MAGI2: variants seen among roughly 807,000 people sequenced by gnomAD.
The protein encoded by MAGI2 is membrane associated guanylate kinase, WW and PDZ domain containing 2.
In MAGI2, 35 loss-of-function variants were observed where a neutral mutation model predicts 133.3. The observed-to-expected ratio is 0.26, with a 90% CI of 0.20 to 0.35. MAGI2 has a LOEUF of 0.35. Among genes scored for constraint, MAGI2 ranks in the 10% least tolerant of loss-of-function variants. The probability of loss-of-function intolerance (pLI) is 1.00; values close to 1 mark genes in which losing one functional copy is unlikely to be tolerated. For synonymous variants in MAGI2, 729 were observed against 710.6 expected (o/e 1.03, Z -0.41); for missense variants, 1,636 against 1,863.4 (o/e 0.88, Z 2.25).
rs532013509 is a variant in MAGI2 at position 78,427,560 on chromosome 7, A to G, written c.1046-58347T>C. ...TGTATATGCCTTATATCATGACTGC[A>G]TGACCCAAAATGAACAGAATCAGTC... is the stretch of plus-strand genomic sequence containing the variant. On this transcript the variant is annotated intron_variant, in intron 6 of 21. Coordinates refer to ENST00000354212, the MANE Select transcript of MAGI2 (RefSeq NM_012301.4). Among the ~76,000 whole-genome samples, 16 of 151,980 alleles carry G rather than the reference A, an allele frequency of 1.1e-4. 1 individual carries two copies. Among genetic ancestry groups the G allele is most frequent in the African/African-American group, 3.9e-4 (16 of 41,480 alleles).
At chr7:78,297,190 A>G (rs1424447663) in intron 9 of MAGI2, among the ~76,000 whole-genome samples, 3 of 152,212 alleles carry the variant, frequency 2.0e-5, no homozygotes, top group Admixed American at 2.0e-4. Context: ...GAGGACAAAG[A>G]GCAACTTTAT....
chr7:79,075,209 A>G (rs750846585), intron 1 of MAGI2, among the ~76,000 whole-genome samples: 15 of 152,182 alleles, frequency 9.9e-5, no homozygotes, highest in African/African-American at 3.6e-4. Context: ...CTTATTGACC[A>G]GAGCTGGATC....
At chr7:79,105,262 A>C (rs906918226) in intron 1 of MAGI2, among the ~76,000 whole-genome samples, 2 of 152,202 alleles carry the variant, frequency 1.3e-5, no homozygotes, top group African/African-American at 2.4e-5. Context: ...CAGAATGAAA[A>C]ATCCTGTATT....
chr7:79,126,072 T>G lies in MAGI2; in HGVS notation c.302-118866A>C, dbSNP rs192430004. Reference sequence around the variant, plus strand: ...GTGTAAAGCATTCCAACAAAGGGTTTTAATGTAGTTTTGTTTTTTCCTTTT... The same window carrying G: ...GTGTAAAGCATTCCAACAAAGGGTTGTAATGTAGTTTTGTTTTTTCCTTTT... On this transcript the variant is annotated intron_variant, in intron 1 of 21. Transcript: ENST00000354212. Among the ~76,000 whole-genome samples the G allele has an allele frequency of 3.9e-5, 6 of 152,364 alleles. No individual in the cohort carries two copies. In the East Asian group the frequency reaches 1.2e-3, roughly 29 times the overall value.
At chr7:78,919,014 T>C (rs1799016349) in intron 2 of MAGI2, among the ~76,000 whole-genome samples, 2 of 152,136 alleles carry the variant, frequency 1.3e-5, no homozygotes, top group South Asian at 4.1e-4. Context: ...GATGCAATAG[T>C]TGTCCCTCTT....
At chr7:78,218,509 CTT>C (rs1206545546) in intron 10 of MAGI2, among the ~76,000 whole-genome samples, 4 of 152,202 alleles carry the variant, frequency 2.6e-5, no homozygotes, top group African/African-American at 9.6e-5. Context: ...TAACAATTAA[CTT>C]TTAGTGATAC....
chr7:79,213,076 G>C (rs1283464148), intron 1 of MAGI2, among the ~76,000 whole-genome samples: 1 of 151,926 alleles, frequency 6.6e-6, no homozygotes, highest in Admixed American at 6.6e-5. Flanking sequence ...GGTGGATCGA[G>C]GGGAGCAATA....
intron 3 of MAGI2, among the ~76,000 whole-genome samples, chr7:78,625,855 T>C (rs536084597): frequency 1.3e-5 from 2 of 152,346 alleles, no homozygotes; most frequent in South Asian, 4.1e-4. Context: ...CCATACAGGT[T>C]TGTAGCCTGG....
chr7:79,196,238 T>C (rs1265078449), intron 1 of MAGI2, among the ~76,000 whole-genome samples: 1 of 151,972 alleles, frequency 6.6e-6, no homozygotes, highest in African/African-American at 2.4e-5. Flanking sequence ...ATAAAATTTA[T>C]TCATAGAGTT....
At chr7:78,503,465 C>T (rs1268754022) in intron 4 of MAGI2, among the ~76,000 whole-genome samples, 1 of 151,624 alleles carries the variant, frequency 6.6e-6, no homozygotes, top group Non-Finnish European at 1.5e-5. Flanking sequence ...GGAAGGCTTC[C>T]CCCATCCTGT....
chr7:78,103,907 C>G (rs1347249664), intron 20 of MAGI2, among the ~76,000 whole-genome samples: 1 of 152,202 alleles, frequency 6.6e-6, no homozygotes, highest in Non-Finnish European at 1.5e-5. Flanking sequence ...TGAATCCACT[C>G]GAATTTTCAT....
chr7:78,473,192 A>G (rs771586185), intron 6 of MAGI2, among the ~76,000 whole-genome samples: 3 of 152,096 alleles, frequency 2.0e-5, no homozygotes, highest in Non-Finnish European at 2.9e-5. Flanking sequence ...AAGTGACTCA[A>G]AGTGTTTCTG....
At chr7:78,817,791 C>T (rs951484395) in intron 2 of MAGI2, among the ~76,000 whole-genome samples, 7 of 151,696 alleles carry the variant, frequency 4.6e-5, no homozygotes, top group African/African-American at 1.7e-4. Flanking sequence ...CTTACTGCAA[C>T]CTCTGCCTCC....
chr7:79,085,181 T>TTG (rs1458194194), intron 1 of MAGI2, among the ~76,000 whole-genome samples: 3 of 151,936 alleles, frequency 2.0e-5, no homozygotes, highest in African/African-American at 7.2e-5. Context: ...TCTCTTTCTG[T>TTG]TGCTCAGACT....
At chr7:79,359,827 T>C (rs1388678925) in intron 1 of MAGI2, among the ~76,000 whole-genome samples, 1 of 152,124 alleles carries the variant, frequency 6.6e-6, no homozygotes, top group African/African-American at 2.4e-5. Context: ...AATTTGTTGC[T>C]AGCTGACCAA....
intron 1 of MAGI2, among the ~76,000 whole-genome samples, chr7:79,155,224 T>C (rs1289614053): frequency 6.6e-6 from 1 of 152,136 alleles, no homozygotes; most frequent in Admixed American, 6.6e-5. Context: ...TAGCTTTTAA[T>C]TGAGATGATC....
chr7:78,157,237 T>G (rs577520974), intron 16 of MAGI2, among the ~76,000 whole-genome samples: 1 of 152,122 alleles, frequency 6.6e-6, no homozygotes, highest in South Asian at 2.1e-4. Flanking sequence ...CATTTTAAAC[T>G]CCCTAAATTG....
chr7:78,492,667 A>T (rs1793731075), intron 5 of MAGI2, among the ~76,000 whole-genome samples: 1 of 152,178 alleles, frequency 6.6e-6, no homozygotes, highest in Admixed American at 6.6e-5. Context: ...TTCAAGTTTA[A>T]GGAGGGTATT....
intron 2 of MAGI2, among the ~76,000 whole-genome samples, chr7:78,651,499 T>C (rs769955347): frequency 6.6e-6 from 1 of 152,154 alleles, no homozygotes; most frequent in Non-Finnish European, 1.5e-5. Flanking sequence ...GGTTTACCCA[T>C]TGTTTTTACA....
Sources: allele counts gnomAD v4.1 joint callset (sites outside exome capture counted in the v4.1 genomes callset), GRCh38; gene constraint gnomAD v4.1.1; transcripts MANE v1.5; gene names NCBI Gene and HGNC (gene_info 2026-07-23, HGNC 2026-07-21).